The following CACNA1C variants were observed in gnomAD, a reference collection of about 807,000 sequenced individuals.
CACNA1C encodes calcium voltage-gated channel subunit alpha1 C.
CACNA1C carries 30 observed loss-of-function variants against 229.0 expected under a neutral mutation model. The ratio of observed to expected loss-of-function variants is 0.13; its 90% CI spans 0.10 to 0.18. The LOEUF (loss-of-function observed/expected upper bound fraction) is 0.18. Among genes scored for constraint, CACNA1C ranks in the 10% least tolerant of loss-of-function variants. The pLI is 1.00. For missense variants in CACNA1C, 1,658 were observed against 2,845.0 expected (o/e 0.58, Z 9.49); for synonymous variants, 1,114 against 1,132.5 (o/e 0.98, Z 0.33).
In CACNA1C at chr12:2,262,143, C is replaced by T. The variant is rs563949038; in HGVS notation, c.477+141713C>T. ...AGTTGCTGGGGCTGAATGCTGGAAA[C>T]AGCTTGTCAGTTCAACCCAGGAGAT... On this transcript the variant is annotated intron_variant, in intron 3 of 46. Coordinates refer to ENST00000399655, the MANE Select transcript of CACNA1C (RefSeq NM_000719.7). 1.5e-4 allele frequency among the ~76,000 whole-genome samples: 23 copies of T among 152,340 alleles called. No homozygotes were observed. In the South Asian group the frequency reaches 2.9e-3, roughly 19 times the overall value.
At chr12:2,616,669 T>C (rs1201725227) in intron 29 of CACNA1C, among the ~76,000 whole-genome samples, 1 of 152,250 alleles carries the variant, frequency 6.6e-6, no homozygotes, top group Non-Finnish European at 1.5e-5. Context: ...ATTGGACTTC[T>C]GTCTAGACTT....
rs1242645298 is a variant in CACNA1C at position 2,285,773 on chromosome 12, G to T, written c.478-163203G>T. On this transcript the variant is annotated intron_variant, in intron 3 of 46. Coordinates refer to ENST00000399655, the MANE Select transcript of CACNA1C (RefSeq NM_000719.7). The surrounding 1 kb of genome is among the most constrained non-coding windows in gnomAD (Gnocchi z 4.2). ...GTGCTCATTCGAGAGAGGCTGGTGC[G>T]CACCTACCCAGCGGCTTTTTGGGCG... 6.6e-6 allele frequency among the ~76,000 whole-genome samples: 1 copy of T among 152,110 alleles called. No homozygotes were observed. The highest frequency in any genetic ancestry group is 2.4e-5 in the African/African-American group (1 of 41,420).
At chr12:2,101,447 C>A (rs2076377870) in intron 1 of CACNA1C, among the ~76,000 whole-genome samples, 1 of 152,228 alleles carries the variant, frequency 6.6e-6, no homozygotes, top group South Asian at 2.1e-4. Flanking sequence ...TCAACCTCCC[C>A]CTCCCAGGTG....
At position 2,647,007 on chromosome 12, in the gene CACNA1C, C is replaced by G. The variant is rs761838642; in HGVS notation, c.3913-1468C>G. Among the ~76,000 whole-genome samples, 6 of 152,002 alleles carry G rather than the reference C, an allele frequency of 3.9e-5. No homozygotes were observed. The highest frequency in any genetic ancestry group is 7.4e-5 in the Non-Finnish European group (5 of 68,008). On this transcript the variant is annotated intron_variant, in intron 30 of 46. Coordinates refer to ENST00000399655, the MANE Select transcript of CACNA1C (RefSeq NM_000719.7). This position sits in a 1 kb window ranked among gnomAD's most constrained non-coding sequence, Gnocchi z 4.2. ...TTTCTTTCTCCTCCCTCACCTCACC[C>G]TATATCTCCACCATCCCCTAAAAGG...
chr12:2,644,820 C>T (rs1226086782), intron 30 of CACNA1C, among the ~76,000 whole-genome samples: 1 of 152,220 alleles, frequency 6.6e-6, no homozygotes, highest in Non-Finnish European at 1.5e-5. Context: ...ACCTCCCTCT[C>T]ATTAGCTGCC....
chr12:2,577,085 G>C (rs754885872), intron 13 of CACNA1C, among the ~76,000 whole-genome samples: 2 of 152,250 alleles, frequency 1.3e-5, no homozygotes, highest in African/African-American at 4.8e-5. Context: ...CAAAGGAAAG[G>C]AAAGGACAGG....
At chr12:2,271,906 TA>T (rs2085196966) in intron 3 of CACNA1C, among the ~76,000 whole-genome samples, 1 of 152,076 alleles carries the variant, frequency 6.6e-6, no homozygotes, top group Non-Finnish European at 1.5e-5. Flanking sequence ...AAAAAATGTT[TA>T]AGTGTGTCAA....
chr12:2,233,317 T>A (rs1474811509), intron 3 of CACNA1C, among the ~76,000 whole-genome samples: 1 of 152,230 alleles, frequency 6.6e-6, no homozygotes. Flanking sequence ...TGAATCAGTG[T>A]TATCCTTTCA....
rs1308460195 is a variant in CACNA1C, at chr12:2,630,212, T to C, written c.3829-4085T>C. Among the ~76,000 whole-genome samples, 1 of 152,154 alleles carries C rather than the reference T, an allele frequency of 6.6e-6. No individual in the cohort carries two copies. On this transcript the variant is annotated intron_variant, in intron 29 of 46. Coordinates refer to ENST00000399655, the MANE Select transcript of CACNA1C (RefSeq NM_000719.7). This position sits in a 1 kb window ranked among gnomAD's most constrained non-coding sequence, Gnocchi z 5.4. The stretch of plus-strand genomic sequence containing the variant: ...CACCAGAGAAATAAGGGGCAACAGG[T>C]ATAACCAGACTCCAGGTCAGACTGA...
intron 3 of CACNA1C, among the ~76,000 whole-genome samples, chr12:2,363,783 A>G (rs937342027): frequency 1.3e-5 from 2 of 152,154 alleles, no homozygotes; most frequent in African/African-American, 2.4e-5. Flanking sequence ...AATGGTGTGT[A>G]TTAAGGTTTG....
intron 3 of CACNA1C, among the ~76,000 whole-genome samples, chr12:2,229,220 T>G (rs2063955989): frequency 6.6e-6 from 1 of 152,278 alleles, no homozygotes. Context: ...ATGTGGGTAG[T>G]CCATTTTTAC....
At chr12:2,578,656 G>T (rs923851417) in intron 13 of CACNA1C, among the ~76,000 whole-genome samples, 1 of 152,174 alleles carries the variant, frequency 6.6e-6, no homozygotes, top group Non-Finnish European at 1.5e-5. Flanking sequence ...CCAGGAAGAT[G>T]ACTCCGAGGA....
At position 2,558,639 on chromosome 12, in the gene CACNA1C, A is replaced by C. The variant is rs373633729; in HGVS notation, c.1508+1662A>C. Among the ~76,000 whole-genome samples the C allele has an allele frequency of 3.3e-5, 5 of 152,282 alleles. No homozygotes were observed. The South Asian group carries it at 1.0e-3, about 32-fold the overall frequency. ...GCTGACCTTCTCCCAGGGTCTGCCG[A>C]GGCACTCCACCAGCCCCAGTGTTGC... is the stretch of plus-strand genomic sequence containing the variant. On this transcript the variant is annotated intron_variant, in intron 11 of 46. Transcript: ENST00000399655.
chr12:2,483,820 C>G (rs1035472878), intron 5 of CACNA1C, among the ~76,000 whole-genome samples: 4 of 152,146 alleles, frequency 2.6e-5, no homozygotes, highest in African/African-American at 9.7e-5. Flanking sequence ...TCCACTTGGC[C>G]TCTCTCCAGC....
chr12:2,566,638 C>T lies in CACNA1C; in HGVS notation c.1669+56C>T, dbSNP rs2051055924. The T allele has an allele frequency of 1.4e-6, 2 of 1,455,058 alleles. No homozygotes were observed. The highest frequency in any genetic ancestry group is 2.8e-5 in the African/African-American group (2 of 71,146). The allele number at this position is 1,455,058 out of a possible 1,614,324, so 90.1% of individuals were successfully genotyped here. On this transcript the variant is annotated intron_variant, in intron 12 of 46. Transcript: ENST00000399655. This position sits in a 1 kb window ranked among gnomAD's most constrained non-coding sequence, Gnocchi z 4.0. Reference sequence around the variant, plus strand: ...TCCTCCTGGTAACTCAGCCCCAAGGCCCAGGGGAGGGCATAACCACAGGCA... The same window carrying T: ...TCCTCCTGGTAACTCAGCCCCAAGGTCCAGGGGAGGGCATAACCACAGGCA...
intron 3 of CACNA1C, among the ~76,000 whole-genome samples, chr12:2,394,485 A>T (rs555225525): frequency 5.6e-4 from 86 of 152,322 alleles, no homozygotes; most frequent in African/African-American, 1.6e-3. Context: ...TAATTATAAA[A>T]TCCCCTGCTG....
intron 1 of CACNA1C, among the ~76,000 whole-genome samples, chr12:2,031,845 T>C (rs977770599): frequency 6.6e-6 from 1 of 152,196 alleles, no homozygotes; most frequent in African/African-American, 2.4e-5. Flanking sequence ...ACTGGCCTCC[T>C]GAGCAACAGT....
At chr12:2,457,507 C>A in intron 4 of CACNA1C, 60 bp from the exon 5 acceptor site, 3 of 1,563,508 alleles carry the variant, frequency 1.9e-6, no homozygotes, top group South Asian at 1.2e-5. Flanking sequence ...GAGGTCAGAG[C>A]CCCAGCTGGG....
At chr12:2,550,506 C>T (rs1188282411) in intron 10 of CACNA1C, 28 of 1,334,270 alleles carry the variant, frequency 2.1e-5, no homozygotes, top group East Asian at 4.7e-5. Flanking sequence ...AGATGACTGG[C>T]ATGTGGGTCC....
Sources: allele counts gnomAD v4.1 joint callset (sites outside exome capture counted in the v4.1 genomes callset), GRCh38; gene constraint gnomAD v4.1.1; non-coding constraint Gnocchi (gnomAD v3.1); transcripts MANE v1.5; gene names NCBI Gene and HGNC (gene_info 2026-07-23, HGNC 2026-07-21).